MAST3: variants seen among roughly 807,000 people sequenced by gnomAD.
The protein encoded by MAST3 is microtubule associated serine/threonine kinase 3.
In MAST3, 43 loss-of-function variants were observed where a neutral mutation model predicts 127.0. That is an observed-to-expected ratio of 0.34 (90% confidence interval 0.27 to 0.44). MAST3 has a LOEUF of 0.44. Ranked by LOEUF, MAST3 falls within the 20% of genes least tolerant of loss-of-function variation. The probability of loss-of-function intolerance (pLI) is 1.00; values close to 1 mark genes in which losing one functional copy is unlikely to be tolerated. For missense variants in MAST3, 1,390 were observed against 1,919.1 expected, an observed-to-expected ratio of 0.72 and a Z score of 5.15; for synonymous variants, 785 against 809.2, an observed-to-expected ratio of 0.97 and a Z score of 0.51.
At position 18,151,135 on chromosome 19, in the gene MAST3, T is replaced by C. The variant is rs2147925276; in HGVS notation, c.*1409T>C. On this transcript the variant is annotated 3_prime_UTR_variant, in exon 28 of 28. Transcript: ENST00000687212. The stretch of plus-strand genomic sequence containing the variant: ...CAGAAAACCCAGTCGAGGCTCAAGT[T>C]TGAATTTCAGCTTCACTGTGTGGCT... 1 of 152,318 alleles carries C rather than the reference T, an allele frequency of 6.6e-6. No homozygotes were observed. The highest frequency in any genetic ancestry group is 2.1e-4 in the South Asian group (1 of 4,818). The allele number at this position is 152,318 out of a possible 1,614,324, so 9.4% of individuals were successfully genotyped here.
At chr19:18,099,256 G>C (rs1024721347) in intron 1 of MAST3, among the ~76,000 whole-genome samples, 9 of 150,994 alleles carry the variant, frequency 6.0e-5, no homozygotes, top group Non-Finnish European at 1.3e-4. Context: ...AGAGACACCC[G>C]GTCTCTGGCC....
In MAST3 at chr19:18,124,223, T is replaced by C. The variant is rs552250921; in HGVS notation, c.844-42T>C. The C allele has an allele frequency of 2.3e-5, 37 of 1,589,672 alleles. No individual in the cohort carries two copies. The South Asian group carries it at 3.8e-4, about 16-fold the overall frequency. ...TGAGGGGGGTCCCCAGGCCAGACGG[T>C]GCTGAGGACCTGTGGGTGATGCCAC... On this transcript the variant is annotated intron_variant, in intron 9 of 27. Coordinates refer to ENST00000687212, the MANE Select transcript of MAST3 (RefSeq NM_001393504.1).
At position 18,151,000 on chromosome 19, in the gene MAST3, A is replaced by T. The variant is rs986305510; in HGVS notation, c.*1274A>T. 13 of 152,338 alleles carry T rather than the reference A, an allele frequency of 8.5e-5. No homozygotes were observed. The highest frequency in any genetic ancestry group is 3.1e-4 in the African/African-American group (13 of 41,566). 9.4% of individuals were successfully genotyped at this position (152,338 alleles called of 1,614,324 possible). Reference sequence around the variant, plus strand: ...CCTTGTCCAGTCTACCCTGGACAAGATGCCGTGTGTTTGAGGCCCAGCAGA... The same window carrying T: ...CCTTGTCCAGTCTACCCTGGACAAGTTGCCGTGTGTTTGAGGCCCAGCAGA... On this transcript the variant is annotated 3_prime_UTR_variant, in exon 28 of 28. Transcript: ENST00000687212.
chr19:18,123,141 T>C, intron 6 of MAST3, 76 bp from the exon 7 acceptor site: 3 of 1,524,732 alleles, frequency 2.0e-6, no homozygotes, highest in East Asian at 4.5e-5. Context: ...GCCTGGGCCT[T>C]GAGGGGTGGT....
At chr19:18,102,786 C>T (rs1173292969) in intron 1 of MAST3, among the ~76,000 whole-genome samples, 1 of 151,996 alleles carries the variant, frequency 6.6e-6, no homozygotes, top group Non-Finnish European at 1.5e-5. Context: ...GGCTCAAACT[C>T]TTGATCTTAA....
In MAST3 at chr19:18,145,164, A is replaced by G. The variant is rs2042900290; in HGVS notation, c.2974A>G (p.Ser992Gly). ...IHSSGKKYGF[S>G]LRAIRVYMGD... ...CAGCTCTGGCAAGAAGTACGGCTTCAGCCTGCGGGCGATCCGCGTCTACAT... is the reference window on the plus strand; with the variant it reads ...CAGCTCTGGCAAGAAGTACGGCTTCGGCCTGCGGGCGATCCGCGTCTACAT... The change falls in exon 24 of 28, where the codon AGC becomes GGC. Residue 992 changes from serine to glycine, a missense_variant. Coordinates refer to ENST00000687212, the MANE Select transcript of MAST3 (RefSeq NM_001393504.1). This position sits in a 1 kb window ranked among gnomAD's most constrained non-coding sequence, Gnocchi z 5.9. 6.2e-7 allele frequency: 1 copy of G among 1,613,934 alleles called. No homozygotes were observed. Among genetic ancestry groups the G allele is most frequent in the African/African-American group, 1.3e-5 (1 of 75,020 alleles).
chr19:18,138,989 G>C (rs1316238415), intron 19 of MAST3, 26 bp from the exon 20 acceptor site: 1 of 1,488,582 alleles, frequency 6.7e-7, no homozygotes, highest in Non-Finnish European at 9.2e-7. Flanking sequence ...CATCAGGCGT[G>C]CTGCATGTGC....
chr19:18,149,343 A>G lies in MAST3; in HGVS notation c.3661A>G (p.Ser1221Gly). 6.6e-7 allele frequency: 1 copy of G among 1,521,336 alleles called. No homozygotes were observed. Among genetic ancestry groups the G allele is most frequent in the South Asian group, 1.2e-5 (1 of 80,960 alleles). 94.2% of individuals were successfully genotyped at this position (1,521,336 alleles called of 1,614,324 possible). A position where few individuals can be genotyped will look rare whatever the true frequency, so the allele number is the denominator to read the frequency against. Reference sequence around the variant, plus strand: ...GACTGGCCGCCGCAAGTCCACCAGCAGCATCCCGCCCTCCCCGCTGGCCTG... The same window carrying G: ...GACTGGCCGCCGCAAGTCCACCAGCGGCATCCCGCCCTCCCCGCTGGCCTG... ...PKTGRRKSTS[S>G]IPPSPLACPP... Residue 1221 changes from serine to glycine, a missense_variant, in exon 28 of 28, where the codon AGC becomes GGC. Physicochemically the swap from Ser to Gly is moderately conservative, Grantham distance 56 (BLOSUM62 0). Around this residue, in one of 5 missense-constraint regions of MAST3, gnomAD observed 816 missense variants for 934.1 expected, o/e 0.87. Transcript: ENST00000687212. The surrounding 1 kb of genome is among the most constrained non-coding windows in gnomAD (Gnocchi z 5.9).
chr19:18,122,954 G>A (rs2040177059), intron 6 of MAST3, among the ~76,000 whole-genome samples: 1 of 152,244 alleles, frequency 6.6e-6, no homozygotes, highest in Non-Finnish European at 1.5e-5. Context: ...CCTGGTTGGG[G>A]AGATACAGAT....
chr19:18,144,642 C>T lies in MAST3; in HGVS notation c.2761C>T (p.Arg921Cys), dbSNP rs1178040525. 17 of 1,611,066 alleles carry T rather than the reference C, an allele frequency of 1.1e-5. No homozygotes were observed. Among genetic ancestry groups the T allele is most frequent in the Admixed American group, 1.7e-5 (1 of 60,010 alleles). ...SGGSGGGSGG[R>C]VPKSASVSAL... The stretch of plus-strand genomic sequence containing the variant: ...TGGCAGTGGTGGCGGCAGTGGGGGC[C>T]GCGTGCCCAAGTCAGCCTCTGTCTC... Residue 921 changes from arginine to cysteine, a missense_variant, in exon 23 of 28, where the codon CGC becomes TGC. Arg to Cys is a radical substitution (Grantham distance 180). Transcript: ENST00000687212. This position sits in a 1 kb window ranked among gnomAD's most constrained non-coding sequence, Gnocchi z 4.0.
chr19:18,143,596 C>T (rs541236881), intron 21 of MAST3, among the ~76,000 whole-genome samples, 167 bp from the exon 22 acceptor site: 35 of 152,206 alleles, frequency 2.3e-4, no homozygotes, highest in African/African-American at 7.9e-4. Context: ...GGTGAATAAG[C>T]GGTCTCCAGG....
intron 13 of MAST3, among the ~76,000 whole-genome samples, chr19:18,130,200 AG>A (rs1381924356): frequency 6.6e-6 from 1 of 152,204 alleles, no homozygotes; most frequent in African/African-American, 2.4e-5. Flanking sequence ...TGGGCAACAG[AG>A]TGAGGCGCTA....
At position 18,143,749 on chromosome 19, in the gene MAST3, C is replaced by G. The variant is rs369882566; in HGVS notation, c.2340-14C>G. The G allele has an allele frequency of 2.4e-4, 387 of 1,612,914 alleles. No individual in the cohort carries two copies. Among genetic ancestry groups the G allele is most frequent in the Non-Finnish European group, 3.2e-4 (375 of 1,179,692 alleles). On this transcript the variant is annotated splice_polypyrimidine_tract_variant and intron_variant, in intron 21 of 27. Transcript: ENST00000687212. ...GTGCCTGGCAGGGGTGATGCAGGCT[C>G]TTCCTCCCTGCAGGCTGAGGTCCTG...
Position 18,130,513 on chromosome 19 carries a change from C to A in MAST3, c.1243C>A (p.His415Asn). 3 of 1,603,444 alleles carry A rather than the reference C, an allele frequency of 1.9e-6. No individual in the cohort carries two copies. The highest frequency in any genetic ancestry group is 1.1e-5 in the South Asian group (1 of 89,722). The change falls in exon 14 of 28, where the codon CAC (histidine) becomes AAC (asparagine). Residue 415 changes from histidine (H) to asparagine (N), a missense_variant. Transcript: ENST00000687212. ...GAYGAVYLVR[H>N]RDTRQRFAIK... ...CCCCAGGGCCGTCTACCTGGTGCGG[C>A]ACCGTGACACACGGCAGCGCTTTGC... is the stretch of plus-strand genomic sequence containing the variant.
At position 18,149,197 on chromosome 19, in the gene MAST3, C is replaced by G. The variant is rs748182864; in HGVS notation, c.3515C>G (p.Thr1172Ser). ...SPAPDVPADT[T>S]ASPPSASPSS... ...CTACGCTTATCACCCACAGATACCA[C>G]TGCATCCCCACCCAGCGCATCCCCG... is the stretch of plus-strand genomic sequence containing the variant. Residue 1172 changes from threonine to serine, a missense_variant, in exon 28 of 28, where the codon ACT becomes AGT. This residue lies in a region of MAST3 where 816 missense variants were observed against 934.1 expected (regional missense o/e 0.87). Coordinates refer to ENST00000687212, the MANE Select transcript of MAST3 (RefSeq NM_001393504.1). This position sits in a 1 kb window ranked among gnomAD's most constrained non-coding sequence, Gnocchi z 5.9. 11 of 1,522,974 alleles carry G rather than the reference C, an allele frequency of 7.2e-6. No individual in the cohort carries two copies. The highest frequency in any genetic ancestry group is 9.7e-6 in the Non-Finnish European group (11 of 1,137,664). The allele number at this position is 1,522,974 out of a possible 1,614,324, so 94.3% of individuals were successfully genotyped here. A position where few individuals can be genotyped will look rare whatever the true frequency, so the allele number is the denominator to read the frequency against.
chr19:18,097,782 A>T lies in MAST3; in HGVS notation c.-11A>T. Reference sequence around the variant, plus strand: ...GCCGGGGGCGGGCCTGGCGGCGCGGACTCCCGGGCCATGGACGAGTCGAGC... The same window carrying T: ...GCCGGGGGCGGGCCTGGCGGCGCGGTCTCCCGGGCCATGGACGAGTCGAGC... On this transcript the variant is annotated 5_prime_UTR_variant, in exon 1 of 28. Transcript: ENST00000687212. 8.2e-7 allele frequency: 1 copy of T among 1,213,352 alleles called. No homozygotes were observed. Among genetic ancestry groups the T allele is most frequent in the Non-Finnish European group, 1.0e-6 (1 of 977,244 alleles). 75.2% of individuals were successfully genotyped at this position (1,213,352 alleles called of 1,614,324 possible). A position where few individuals can be genotyped will look rare whatever the true frequency, so the allele number is the denominator to read the frequency against.
In MAST3 at chr19:18,145,753, A is replaced by C; in HGVS notation, c.3050A>C (p.Asp1017Ala). 6.3e-7 allele frequency: 1 copy of C among 1,584,854 alleles called. No homozygotes were observed. The highest frequency in any genetic ancestry group is 8.6e-7 in the Non-Finnish European group (1 of 1,169,162). Reference sequence around the variant, plus strand: ...CTCGTCTGCCCCCAGAGTGTGGAGGACGGAAGCCCCGCCCAGGAGGCGGGC... The same window carrying C: ...CTCGTCTGCCCCCAGAGTGTGGAGGCCGGAAGCCCCGCCCAGGAGGCGGGC... ...TVHHVVWSVE[D>A]GSPAQEAGLR... Residue 1017 changes from aspartate (D) to alanine (A), a missense_variant, in exon 25 of 28, where the codon GAC becomes GCC. Asp to Ala is a moderately radical substitution (Grantham distance 126, BLOSUM62 -2). Transcript: ENST00000687212. The surrounding 1 kb of genome is among the most constrained non-coding windows in gnomAD (Gnocchi z 5.9).
At chr19:18,123,104 A>T (rs773702842) in intron 6 of MAST3, 113 bp from the exon 7 acceptor site, 1 of 1,133,200 alleles carries the variant, frequency 8.8e-7, no homozygotes, top group Admixed American at 1.8e-5. Flanking sequence ...AGGAGAAAGG[A>T]TGTTACCTTC....
At chr19:18,117,760 C>T (rs2039442601) in intron 3 of MAST3, among the ~76,000 whole-genome samples, 1 of 152,178 alleles carries the variant, frequency 6.6e-6, no homozygotes, top group South Asian at 2.1e-4. Flanking sequence ...AAAATGCCTG[C>T]CCCTAGCTCG....
Sources: allele counts gnomAD v4.1 joint callset (sites outside exome capture counted in the v4.1 genomes callset), GRCh38; gene constraint gnomAD v4.1.1; regional missense constraint gnomAD v4.1.1; non-coding constraint Gnocchi (gnomAD v3.1); transcripts MANE v1.5; gene names NCBI Gene and HGNC (gene_info 2026-07-23, HGNC 2026-07-21).